PTPRO: variants seen among roughly 807,000 people sequenced by gnomAD.
PTPRO encodes the protein receptor-type tyrosine-protein phosphatase O.
A neutral mutation model predicts 145.2 loss-of-function variants in PTPRO; 62 were observed. The ratio of observed to expected loss-of-function variants is 0.43; its 90% confidence interval spans 0.35 to 0.53. PTPRO has a LOEUF of 0.53. Ranked by LOEUF, PTPRO falls within the 20% of genes least tolerant of loss-of-function variation. PTPRO has a pLI of 0.01. For synonymous variants in PTPRO, 565 were observed against 514.7 expected (o/e 1.10, Z -1.32); for missense variants, 1,345 against 1,482.7 (o/e 0.91, Z 1.53).
chr12:15,501,771 C>A lies in PTPRO; in HGVS notation c.813C>A (p.Thr271=), dbSNP rs771204229. Residue 271 remains threonine (T), a synonymous_variant, in exon 5 of 27, where the codon ACC becomes ACA. Transcript: ENST00000281171. ...KEKLFHFTEE[T]PEIPSGNISS... is the part of the protein sequence containing the mutation. Reference sequence around the variant, plus strand: ...AACTCTTCCATTTTACAGAAGAAACCCCTGAAATTCCCTCGGGCAACATTT... The same window carrying A: ...AACTCTTCCATTTTACAGAAGAAACACCTGAAATTCCCTCGGGCAACATTT... 2.4e-5 allele frequency: 38 copies of A among 1,613,988 alleles called. No homozygotes were observed. Among genetic ancestry groups the A allele is most frequent in the Non-Finnish European group, 3.0e-5 (35 of 1,179,986 alleles).
At chr12:15,502,179 A>G (rs930654244) in intron 5 of PTPRO, 116 bp downstream of exon 5, 1 of 1,059,804 alleles carries the variant, frequency 9.4e-7, no homozygotes, top group Admixed American at 2.3e-5. Flanking sequence ...TCAAAGAATA[A>G]TGGTAATGAA....
chr12:15,440,286 T>A, intron 1 of PTPRO: 3 of 572,664 alleles, frequency 5.2e-6, no homozygotes, highest in Non-Finnish European at 9.3e-6. Flanking sequence ...ACCCCCAACC[T>A]CCGGAAGGAG....
intron 1 of PTPRO, among the ~76,000 whole-genome samples, chr12:15,423,918 T>G (rs902946540): frequency 6.6e-6 from 1 of 152,198 alleles, no homozygotes; most frequent in Non-Finnish European, 1.5e-5. Context: ...CCTTTAACTT[T>G]CATTGTTTCT....
intron 7 of PTPRO, among the ~76,000 whole-genome samples, chr12:15,509,179 A>G (rs1322570769): frequency 6.6e-6 from 1 of 152,166 alleles, no homozygotes; most frequent in Non-Finnish European, 1.5e-5. Flanking sequence ...AGTCCAGAGG[A>G]GTTCACGGAA....
chr12:15,456,573 G>A (rs994020571), intron 1 of PTPRO, among the ~76,000 whole-genome samples: 3 of 152,176 alleles, frequency 2.0e-5, no homozygotes, highest in African/African-American at 4.8e-5. Context: ...ATCTTTAAAT[G>A]TTTGGTAGGA....
In PTPRO at chr12:15,453,262, A is replaced by T. The variant is rs141745042; in HGVS notation, c.76-30712A>T. 9.9e-5 allele frequency among the ~76,000 whole-genome samples: 15 copies of T among 152,184 alleles called. No homozygotes were observed. In the East Asian group the frequency reaches 2.9e-3, roughly 29 times the overall value. On this transcript the variant is annotated intron_variant, in intron 1 of 26. Coordinates refer to ENST00000281171, the MANE Select transcript of PTPRO (RefSeq NM_030667.3). ...ATCCTCAGCCTTCCAAAATTCTGGG[A>T]TGACAGGTATGAGCCACCACACCTA...
At chr12:15,546,015 C>CA (rs57464176) in intron 12 of PTPRO, among the ~76,000 whole-genome samples, 863 of 133,254 alleles carry the variant, frequency 6.5e-3, no homozygotes, top group African/African-American at 0.011. Flanking sequence ...ACCCCCGCCT[C>CA]AAAAAAAAAA....
intron 1 of PTPRO, among the ~76,000 whole-genome samples, chr12:15,359,971 C>T (rs1416932603): frequency 6.6e-6 from 1 of 152,136 alleles, no homozygotes; most frequent in Non-Finnish European, 1.5e-5. Flanking sequence ...AGAGCCTTTG[C>T]TTTTCCTATG....
intron 12 of PTPRO, among the ~76,000 whole-genome samples, chr12:15,544,476 C>T (rs1368521788): frequency 7.0e-6 from 1 of 143,806 alleles, no homozygotes; most frequent in Non-Finnish European, 1.5e-5. Flanking sequence ...CCACTGCACT[C>T]CAGCCTGGTG....
chr12:15,336,255 TC>T (rs760114624), intron 1 of PTPRO, among the ~76,000 whole-genome samples: 2 of 152,134 alleles, frequency 1.3e-5, no homozygotes, highest in African/African-American at 2.4e-5. Flanking sequence ...GTATAAAACT[TC>T]CCTACTATAC....
chr12:15,351,686 A>G (rs1172120517), intron 1 of PTPRO, among the ~76,000 whole-genome samples: 1 of 152,188 alleles, frequency 6.6e-6, no homozygotes, highest in East Asian at 1.9e-4. Flanking sequence ...GGATCTAGCC[A>G]TGCCTTACTG....
At position 15,564,473 on chromosome 12, in the gene PTPRO, TG is replaced by T. The variant is rs1474725600; in HGVS notation, c.2712-1114del. Reference sequence around the variant, plus strand: ...GTGTTTCATTAACTATGCTCAGCCCTGGGGGGAAGCTATAGTGAGTGTAGCA... The same window carrying T: ...GTGTTTCATTAACTATGCTCAGCCCTGGGGGAAGCTATAGTGAGTGTAGCA... On this transcript the variant is annotated intron_variant, in intron 17 of 26. Transcript: ENST00000281171. Among the ~76,000 whole-genome samples the T allele has an allele frequency of 2.0e-5, 3 of 152,158 alleles. No individual in the cohort carries two copies. In the South Asian group the frequency reaches 6.2e-4, roughly 31 times the overall value.
chr12:15,373,054 A>C (rs1938577626), intron 1 of PTPRO, among the ~76,000 whole-genome samples: 2 of 152,230 alleles, frequency 1.3e-5, no homozygotes, highest in Admixed American at 6.5e-5. Context: ...TAGTGTTTCC[A>C]GATGTTTTAC....
At chr12:15,450,601 C>G (rs1941020113) in intron 1 of PTPRO, among the ~76,000 whole-genome samples, 1 of 152,102 alleles carries the variant, frequency 6.6e-6, no homozygotes, top group Non-Finnish European at 1.5e-5. Flanking sequence ...TGGTGAAACT[C>G]TGTCTCTACA....
At chr12:15,535,779 A>T (rs1191635950) in intron 12 of PTPRO, among the ~76,000 whole-genome samples, 2 of 152,208 alleles carry the variant, frequency 1.3e-5, no homozygotes, top group African/African-American at 4.8e-5. Flanking sequence ...CACTTTTGTG[A>T]CTTTCCGTTC....
intron 4 of PTPRO, among the ~76,000 whole-genome samples, chr12:15,500,524 C>G (rs908038406): frequency 6.6e-6 from 1 of 152,150 alleles, no homozygotes; most frequent in Non-Finnish European, 1.5e-5. Flanking sequence ...AATTGGTACT[C>G]ATAATACACG....
At chr12:15,357,606 A>G (rs994651209) in intron 1 of PTPRO, among the ~76,000 whole-genome samples, 1 of 151,798 alleles carries the variant, frequency 6.6e-6, no homozygotes, top group Non-Finnish European at 1.5e-5. Context: ...AAAAGAAGAC[A>G]TTTATGCAGC....
intron 7 of PTPRO, among the ~76,000 whole-genome samples, chr12:15,510,051 A>G (rs2284431): frequency 0.57 from 87,429 of 152,126 alleles, 26,415 homozygotes; most frequent in Admixed American, 0.66. Context: ...AAGGAAAAAA[A>G]TAATTATCAA....
chr12:15,355,750 T>C (rs1483233248), intron 1 of PTPRO, among the ~76,000 whole-genome samples: 3 of 152,212 alleles, frequency 2.0e-5, no homozygotes, highest in African/African-American at 7.2e-5. Flanking sequence ...ACTAAATTGA[T>C]AGGGTTAAAC....
Sources: allele counts gnomAD v4.1 joint callset (sites outside exome capture counted in the v4.1 genomes callset), GRCh38; gene constraint gnomAD v4.1.1; transcripts MANE v1.5; gene names NCBI Gene and HGNC (gene_info 2026-07-23, HGNC 2026-07-21).